PPP1R9A: variants seen among roughly 807,000 people sequenced by gnomAD.
PPP1R9A encodes protein phosphatase 1 regulatory subunit 9A.
In PPP1R9A, 59 loss-of-function variants were observed where a neutral mutation model predicts 141.9. That is an observed-to-expected ratio of 0.42 (90% CI 0.34 to 0.52). The LOEUF (loss-of-function observed/expected upper bound fraction) is 0.52. PPP1R9A is among the 20% of genes least tolerant of loss of function. The probability of loss-of-function intolerance (pLI) is 0.10; values close to 1 mark genes in which losing one functional copy is unlikely to be tolerated. For synonymous variants in PPP1R9A, 500 were observed against 569.7 expected, an observed-to-expected ratio of 0.88 and a Z score of 1.74; for missense variants, 1,444 against 1,611.9, an observed-to-expected ratio of 0.90 and a Z score of 1.78.
intron 2 of PPP1R9A, among the ~76,000 whole-genome samples, chr7:94,954,688 A>C (rs1584377485): frequency 6.8e-6 from 1 of 147,522 alleles, no homozygotes; most frequent in African/African-American, 2.5e-5. Context: ...TAACATTTCC[A>C]TTTCTGTTGG....
chr7:95,170,280 GT>G (rs1831909383), intron 5 of PPP1R9A, among the ~76,000 whole-genome samples: 1 of 151,506 alleles, frequency 6.6e-6, no homozygotes, highest in Admixed American at 6.6e-5. Flanking sequence ...ATCTCAGAAG[GT>G]TAGAATGAGA....
intron 2 of PPP1R9A, among the ~76,000 whole-genome samples, chr7:95,065,755 A>C (rs1812850737): frequency 6.6e-6 from 1 of 152,212 alleles, no homozygotes; most frequent in South Asian, 2.1e-4. Context: ...TCCCATAGTG[A>C]TATCACTCCC....
At chr7:94,974,733 A>G (rs1053583757) in intron 2 of PPP1R9A, among the ~76,000 whole-genome samples, 1 of 152,196 alleles carries the variant, frequency 6.6e-6, no homozygotes, top group African/African-American at 2.4e-5. Context: ...GCTGGTCTTG[A>G]CTGGATAACA....
At chr7:95,169,435 C>G (rs1363420839) in intron 5 of PPP1R9A, among the ~76,000 whole-genome samples, 1 of 151,446 alleles carries the variant, frequency 6.6e-6, no homozygotes, top group Non-Finnish European at 1.5e-5. Flanking sequence ...TTAAAATGTA[C>G]AAAAATACAG....
chr7:94,983,202 T>C (rs1400243515), intron 2 of PPP1R9A, among the ~76,000 whole-genome samples: 2 of 152,242 alleles, frequency 1.3e-5, no homozygotes, highest in Non-Finnish European at 2.9e-5. Context: ...TCTGTTTTTG[T>C]ACCAGTACCA....
chr7:95,024,694 G>A (rs1463040472), intron 2 of PPP1R9A, among the ~76,000 whole-genome samples: 8 of 151,996 alleles, frequency 5.3e-5, no homozygotes, highest in Non-Finnish European at 1.0e-4. Context: ...TAGGTCTCCT[G>A]AATACAGCAC....
chr7:94,970,632 CTT>C (rs565331782), intron 2 of PPP1R9A, among the ~76,000 whole-genome samples: 6 of 127,692 alleles, frequency 4.7e-5, no homozygotes, highest in East Asian at 2.3e-4. Flanking sequence ...TGCCAGCCAC[CTT>C]TTTTTTTTTT....
intron 6 of PPP1R9A, 110 bp downstream of exon 6, chr7:95,198,594 C>T: frequency 1.6e-6 from 2 of 1,255,996 alleles, no homozygotes; most frequent in East Asian, 2.6e-5. Flanking sequence ...GAAGGTGTGT[C>T]CACATTGAAC....
intron 2 of PPP1R9A, among the ~76,000 whole-genome samples, chr7:94,966,485 C>T (rs940498159): frequency 2.0e-5 from 3 of 152,178 alleles, no homozygotes; most frequent in African/African-American, 7.2e-5. Context: ...TTTTGAGATA[C>T]ATTCCATCAA....
At chr7:95,072,052 T>A (rs1297335427) in intron 2 of PPP1R9A, among the ~76,000 whole-genome samples, 2 of 151,504 alleles carry the variant, frequency 1.3e-5, no homozygotes, top group African/African-American at 4.8e-5. Context: ...AATGTCATGT[T>A]TAATTTAAAT....
intron 7 of PPP1R9A, among the ~76,000 whole-genome samples, chr7:95,211,748 A>T (rs1401961938): frequency 6.6e-6 from 1 of 152,100 alleles, no homozygotes; most frequent in East Asian, 1.9e-4. Flanking sequence ...ATACTTTGGG[A>T]GGTTGAGGTG....
intron 7 of PPP1R9A, among the ~76,000 whole-genome samples, chr7:95,208,956 T>TAAAAAAAAAAAAAAAAAAAAAA (rs10670515): frequency 6.5e-5 from 5 of 76,896 alleles, no homozygotes; most frequent in Admixed American, 1.6e-4. Context: ...ATAGCAAAAC[T>TAAAAAAAAAAAAAAAAAAAAAA]AAAAAAAAAA....
upstream of PPP1R9A, chr7:94,907,458 A>C (rs1790879806): frequency 6.6e-6 from 1 of 152,446 alleles, no homozygotes; most frequent in Non-Finnish European, 1.5e-5. Context: ...GACTCAGACT[A>C]AGTGGGGCCC....
At chr7:95,057,400 A>G (rs1025630388) in intron 2 of PPP1R9A, among the ~76,000 whole-genome samples, 1 of 152,132 alleles carries the variant, frequency 6.6e-6, no homozygotes, top group Non-Finnish European at 1.5e-5. Context: ...TTTAGTAGTA[A>G]CTACCTTGTT....
At chr7:95,123,595 G>A (rs1225192754) in intron 4 of PPP1R9A, among the ~76,000 whole-genome samples, 2 of 152,182 alleles carry the variant, frequency 1.3e-5, no homozygotes, top group Non-Finnish European at 2.9e-5. Flanking sequence ...GTGGCAGTGA[G>A]CCAAGATTGT....
At chr7:95,007,109 A>G (rs1279397400) in intron 2 of PPP1R9A, among the ~76,000 whole-genome samples, 1 of 151,978 alleles carries the variant, frequency 6.6e-6, no homozygotes, top group Admixed American at 6.6e-5. Context: ...TGATCCGCCC[A>G]TCTCAGCCTC....
rs192523077 is a variant in PPP1R9A at position 94,982,016 on chromosome 7, G to A, written c.1395+70508G>A. ...CAGGCCTCAGTGTGTGATGTTCCCC[G>A]CCCTGTGCCCAAGAGTTCTCATCGT... On this transcript the variant is annotated intron_variant, in intron 2 of 19. Transcript: ENST00000433360. Among the ~76,000 whole-genome samples the A allele has an allele frequency of 5.2e-3, 522 of 100,784 alleles. 3 individuals carry two copies. Among genetic ancestry groups the A allele is most frequent in the African/African-American group, 0.019 (485 of 25,662 alleles). The allele number at this position is 100,784 out of a possible 152,430, so 66.1% of individuals were successfully genotyped here.
intron 2 of PPP1R9A, among the ~76,000 whole-genome samples, chr7:94,993,805 C>G (rs1277201315): frequency 6.6e-6 from 1 of 152,158 alleles, no homozygotes; most frequent in Non-Finnish European, 1.5e-5. Flanking sequence ...TTTACCCAGA[C>G]TGCCATGTTG....
At chr7:95,184,457 A>T (rs2152807322) in intron 5 of PPP1R9A, among the ~76,000 whole-genome samples, 1 of 152,210 alleles carries the variant, frequency 6.6e-6, no homozygotes, top group Admixed American at 6.5e-5. Flanking sequence ...TAAAAAAATT[A>T]TTTCATTTTA....
Sources: gnomAD v4.1 joint callset for allele counts (sites outside exome capture counted in the v4.1 genomes callset) on GRCh38, gnomAD v4.1.1 for gene constraint, MANE v1.5 for transcripts, NCBI Gene and HGNC (gene_info 2026-07-23, HGNC 2026-07-21) for gene names.